Variants in NOM1 observed in about 807,000 individuals in gnomAD.
NOM1 encodes the protein nucleolar protein with MIF4G domain 1, also known as nucleolar MIF4G domain-containing protein 1.
NOM1 carries 58 observed loss-of-function variants against 73.3 expected under a neutral mutation model. That is an observed-to-expected ratio of 0.79 (90% CI 0.64 to 0.99). NOM1 has a LOEUF of 0.99. NOM1 is among the 50% of genes least tolerant of loss of function. NOM1 has a pLI of 0.00. For missense variants in NOM1, 1,226 were observed against 1,131.9 expected (o/e 1.08, Z -1.19); for synonymous variants, 487 against 446.8 (o/e 1.09, Z -1.14).
intron 7 of NOM1, chr7:156,966,013 G>A (rs879879499): frequency 9.1e-5 from 46 of 507,358 alleles, no homozygotes; most frequent in Middle Eastern, 1.0e-3. Context: ...CACAGCTGTC[G>A]ACTTTTGCAG....
At chr7:156,964,203 T>G in intron 7 of NOM1, 177 bp downstream of exon 7, 1 of 493,040 alleles carries the variant, frequency 2.0e-6, no homozygotes, top group Non-Finnish European at 3.5e-6. Context: ...GTCGTCATGT[T>G]CCTATTAATT....
At chr7:156,950,751 T>A in intron 1 of NOM1, 27 bp downstream of exon 1, 6 of 1,520,228 alleles carry the variant, frequency 3.9e-6, no homozygotes, top group Non-Finnish European at 5.3e-6. Flanking sequence ...CTCTAGGCCC[T>A]CTGGGATTTC....
At chr7:156,967,725 A>G (rs1039328423) in intron 9 of NOM1, among the ~76,000 whole-genome samples, 2 of 152,100 alleles carry the variant, frequency 1.3e-5, no homozygotes, top group East Asian at 3.9e-4. Context: ...GGATTTCACC[A>G]TGTTGGCCAA....
intron 8 of NOM1, 44 bp downstream of exon 8, chr7:156,966,446 T>C (rs1324425913): frequency 6.2e-7 from 1 of 1,609,922 alleles, no homozygotes; most frequent in Non-Finnish European, 8.5e-7. Flanking sequence ...TCTACTATTT[T>C]TTCTACACAG....
At chr7:156,963,316 A>G in intron 6 of NOM1, 141 bp downstream of exon 6, 1 of 752,598 alleles carries the variant, frequency 1.3e-6, no homozygotes, top group South Asian at 1.5e-5. Context: ...GCCTTACAGA[A>G]ATTGCTATTA....
At chr7:156,958,437 G>A (rs1804781156) in intron 3 of NOM1, among the ~76,000 whole-genome samples, 3 of 152,172 alleles carry the variant, frequency 2.0e-5, no homozygotes, top group Admixed American at 6.5e-5. Flanking sequence ...TCTCCTGGCT[G>A]GGCTGTGGGG....
chr7:156,962,567 C>G (rs1804893083), intron 5 of NOM1, among the ~76,000 whole-genome samples: 1 of 152,180 alleles, frequency 6.6e-6, no homozygotes, highest in Non-Finnish European at 1.5e-5. Context: ...AGGCCAAGTC[C>G]CCATCCGGAC....
At chr7:156,965,722 C>T (rs1219379134) in intron 7 of NOM1, among the ~76,000 whole-genome samples, 1 of 152,166 alleles carries the variant, frequency 6.6e-6, no homozygotes. Flanking sequence ...TCGAGAGCAG[C>T]CTGGCCAACA....
chr7:156,957,182 A>G (rs1187968314), intron 3 of NOM1, among the ~76,000 whole-genome samples: 1 of 152,212 alleles, frequency 6.6e-6, no homozygotes, highest in Non-Finnish European at 1.5e-5. Context: ...ATGAGCTTTC[A>G]GGGTGCTGGC....
In NOM1 at chr7:156,972,968, T is replaced by C. The variant is rs965788297; in HGVS notation, c.*3265T>C. The stretch of plus-strand genomic sequence containing the variant: ...ATATAGGGGGTTTTTTGAAATTTAT[T>C]ACAGTGCAATTGAAAATACACTTAA... On this transcript the variant is annotated 3_prime_UTR_variant, in exon 11 of 11. Coordinates refer to ENST00000275820, the MANE Select transcript of NOM1 (RefSeq NM_138400.2). 1.3e-5 allele frequency: 2 copies of C among 152,244 alleles called. No individual in the cohort carries two copies. Among genetic ancestry groups the C allele is most frequent in the African/African-American group, 4.8e-5 (2 of 41,470 alleles). 9.4% of individuals were successfully genotyped at this position (152,244 alleles called of 1,614,324 possible).
Position 156,959,862 on chromosome 7 carries a change from C to G in NOM1, c.1320C>G (p.His440Gln). 6.2e-7 allele frequency: 1 copy of G among 1,614,120 alleles called. No homozygotes were observed. Among genetic ancestry groups the G allele is most frequent in the Non-Finnish European group, 8.5e-7 (1 of 1,180,000 alleles). ...HHTVGIEVGA[H>Q]FLEAVVRKFD... is the part of the protein sequence containing the mutation. ...TGTGGTTCTTTCAGGTCGGTGCCCA[C>G]TTTCTGGAGGCAGTGGTGAGGAAGT... Residue 440 changes from histidine (H) to glutamine (Q), a missense_variant, in exon 4 of 11, where the codon CAC becomes CAG. Coordinates refer to ENST00000275820, the MANE Select transcript of NOM1 (RefSeq NM_138400.2).
chr7:156,963,555 T>TA, intron 6 of NOM1: 1 of 379,378 alleles, frequency 2.6e-6, no homozygotes, highest in East Asian at 5.4e-5. Flanking sequence ...CATCCAGACT[T>TA]CCCTCGTTAT....
intron 3 of NOM1, among the ~76,000 whole-genome samples, chr7:156,957,769 C>CT (rs1804760767): frequency 9.5e-6 from 1 of 104,762 alleles, no homozygotes; most frequent in Non-Finnish European, 1.8e-5. Context: ...AGCGAGACTC[C>CT]GTCTCAAAAA....
chr7:156,958,993 G>A (rs1804794960), intron 3 of NOM1: 1 of 152,184 alleles, frequency 6.6e-6, no homozygotes, highest in African/African-American at 2.4e-5. Flanking sequence ...TTCAGAATGT[G>A]TTGCGTTTAT....
chr7:156,962,728 T>C (rs1804897092), intron 5 of NOM1, among the ~76,000 whole-genome samples: 1 of 152,190 alleles, frequency 6.6e-6, no homozygotes, highest in Non-Finnish European at 1.5e-5. Flanking sequence ...AGGCATGTGC[T>C]CACCTGCCAC....
rs756563080 is a variant in NOM1 at position 156,969,512 on chromosome 7, A to G, written c.2409-17A>G. 90 of 1,609,174 alleles carry G rather than the reference A, an allele frequency of 5.6e-5. No homozygotes were observed. The highest frequency in any genetic ancestry group is 7.5e-5 in the Non-Finnish European group (88 of 1,176,886). On this transcript the variant is annotated splice_polypyrimidine_tract_variant and intron_variant, in intron 10 of 10. Coordinates refer to ENST00000275820, the MANE Select transcript of NOM1 (RefSeq NM_138400.2). ...GCCAGCTCAGCCCTGACATGTGTTT[A>G]TACGATTCCTTTCCAGAGTATCTGA...
In NOM1 at chr7:156,971,008, A is replaced by G. The variant is rs571935461; in HGVS notation, c.*1305A>G. ...GAAGAAAATATAGTTACTGCCTGCA[A>G]AGAATTAACATCCGTCTAGTGGGAG... On this transcript the variant is annotated 3_prime_UTR_variant, in exon 11 of 11. Transcript: ENST00000275820. 6.6e-6 allele frequency: 1 copy of G among 152,366 alleles called. No individual in the cohort carries two copies. Among genetic ancestry groups the G allele is most frequent in the African/African-American group, 2.4e-5 (1 of 41,588 alleles). 9.4% of individuals were successfully genotyped at this position (152,366 alleles called of 1,614,324 possible). A position where few individuals can be genotyped will look rare whatever the true frequency, so the allele number is the denominator to read the frequency against.
intron 6 of NOM1, chr7:156,963,480 C>A (rs1219150352): frequency 2.1e-6 from 1 of 473,912 alleles, no homozygotes; most frequent in East Asian, 4.0e-5. Context: ...CAGGCTGCCC[C>A]CCGGGCTGTG....
chr7:156,961,191 A>G (rs1804856025), intron 4 of NOM1, among the ~76,000 whole-genome samples: 1 of 152,092 alleles, frequency 6.6e-6, no homozygotes, highest in South Asian at 2.1e-4. Flanking sequence ...TGCAGGCAGG[A>G]GGGAGAGCTG....
Sources: gnomAD v4.1 joint callset for allele counts (sites outside exome capture counted in the v4.1 genomes callset) on GRCh38, gnomAD v4.1.1 for gene constraint, MANE v1.5 for transcripts, NCBI Gene and HGNC (gene_info 2026-07-23, HGNC 2026-07-21) for gene names.